Variants in ADGRL3 observed in about 807,000 individuals in gnomAD.
ADGRL3 encodes the protein adhesion G protein-coupled receptor L3.
A neutral mutation model predicts 153.5 loss-of-function variants in ADGRL3; 62 were observed. The observed-to-expected ratio is 0.40, with a 90% confidence interval of 0.33 to 0.50. ADGRL3 has a LOEUF of 0.50. ADGRL3 is among the 20% of genes least tolerant of loss of function. The pLI is 0.47. For synonymous variants in ADGRL3, 710 were observed against 672.5 expected, an observed-to-expected ratio of 1.06 and a Z score of -0.86; for missense variants, 1,641 against 1,859.4, an observed-to-expected ratio of 0.88 and a Z score of 2.16.
intron 2 of ADGRL3, among the ~76,000 whole-genome samples, chr4:61,486,322 G>T (rs1295106960): frequency 2.6e-5 from 4 of 152,034 alleles, no homozygotes; most frequent in Non-Finnish European, 5.9e-5. Flanking sequence ...GGATAAGGAT[G>T]ATACTGATTT....
intron 5 of ADGRL3, among the ~76,000 whole-genome samples, chr4:61,636,681 G>A (rs765256455): frequency 1.3e-4 from 19 of 151,540 alleles, no homozygotes; most frequent in African/African-American, 3.9e-4. Context: ...TCAGAGAATC[G>A]TATGTAAATA....
chr4:61,655,518 T>C (rs1268839637), intron 5 of ADGRL3, among the ~76,000 whole-genome samples: 2 of 152,134 alleles, frequency 1.3e-5, no homozygotes, highest in African/African-American at 4.8e-5. Flanking sequence ...AAAAATACAC[T>C]TTGAAAAAAA....
chr4:61,429,309 T>C (rs2097326675), intron 2 of ADGRL3, among the ~76,000 whole-genome samples: 1 of 152,182 alleles, frequency 6.6e-6, no homozygotes, highest in Non-Finnish European at 1.5e-5. Context: ...TGAGTTGTTT[T>C]CATTGCACCA....
chr4:61,429,782 A>G (rs2152404138), intron 2 of ADGRL3, among the ~76,000 whole-genome samples: 1 of 152,264 alleles, frequency 6.6e-6, no homozygotes, highest in Non-Finnish European at 1.5e-5. Context: ...GGAAATAGTC[A>G]TGTTAATTAG....
chr4:61,863,753 A>T (rs1346846222), intron 9 of ADGRL3, among the ~76,000 whole-genome samples: 1 of 152,226 alleles, frequency 6.6e-6, no homozygotes, highest in African/African-American at 2.4e-5. Flanking sequence ...TATTGGCAAC[A>T]AAAGGCACAA....
chr4:61,440,231 T>C (rs1272420288), intron 2 of ADGRL3, among the ~76,000 whole-genome samples: 1 of 152,062 alleles, frequency 6.6e-6, no homozygotes, highest in Non-Finnish European at 1.5e-5. Context: ...GTATTTTTAG[T>C]AGAGCCAGGG....
intron 1 of ADGRL3, among the ~76,000 whole-genome samples, chr4:61,376,327 CAT>C (rs10546179): frequency 0.6 from 90,793 of 151,432 alleles, 27,626 homozygotes; most frequent in Middle Eastern, 0.78. Context: ...TACCACTTGT[CAT>C]GTGTAATTAT....
chr4:61,459,001 T>A (rs909716085), intron 2 of ADGRL3, among the ~76,000 whole-genome samples: 4 of 151,492 alleles, frequency 2.6e-5, no homozygotes, highest in Non-Finnish European at 5.9e-5. Flanking sequence ...AGAGTAATTA[T>A]TTTCTGAAGA....
chr4:61,297,481 G>T (rs2094447344), intron 1 of ADGRL3, among the ~76,000 whole-genome samples: 2 of 152,070 alleles, frequency 1.3e-5, no homozygotes, highest in South Asian at 4.1e-4. Flanking sequence ...ATTTATTGAT[G>T]ATTATAAAAA....
intron 9 of ADGRL3, among the ~76,000 whole-genome samples, chr4:61,871,106 G>A (rs148134980): frequency 0.024 from 3,454 of 142,930 alleles, 64 homozygotes; most frequent in Non-Finnish European, 0.035. Context: ...GTGAAACCCC[G>A]TCTCTACTAA....
chr4:61,579,574 T>C, intron 4 of ADGRL3: 1 of 510,830 alleles, frequency 2.0e-6, no homozygotes, highest in Non-Finnish European at 3.9e-6. Context: ...CACAACTTTG[T>C]GTATGTGCCC....
intron 9 of ADGRL3, among the ~76,000 whole-genome samples, chr4:61,838,657 A>G (rs2097975303): frequency 6.6e-6 from 1 of 152,204 alleles, no homozygotes; most frequent in Admixed American, 6.5e-5. Context: ...CAACTCTATT[A>G]TATTAAGTTA....
chr4:61,456,525 G>A (rs1007013916), intron 2 of ADGRL3, among the ~76,000 whole-genome samples: 3 of 139,402 alleles, frequency 2.2e-5, no homozygotes, highest in Admixed American at 7.4e-5. Flanking sequence ...CTATATATAC[G>A]TCACACTAAA....
At chr4:61,884,410 A>G (rs982043713) in intron 9 of ADGRL3, among the ~76,000 whole-genome samples, 2 of 152,092 alleles carry the variant, frequency 1.3e-5, no homozygotes, top group Non-Finnish European at 2.9e-5. Flanking sequence ...AATGCCAGAG[A>G]TTATTTCACA....
intron 1 of ADGRL3, among the ~76,000 whole-genome samples, chr4:61,279,963 A>G (rs1402199541): frequency 6.6e-6 from 1 of 152,124 alleles, no homozygotes; most frequent in Non-Finnish European, 1.5e-5. Flanking sequence ...TCTATATCAA[A>G]TGTACAAATA....
intron 1 of ADGRL3, among the ~76,000 whole-genome samples, chr4:61,378,334 C>T (rs973113893): frequency 2.6e-5 from 4 of 151,900 alleles, no homozygotes; most frequent in Non-Finnish European, 4.4e-5. Flanking sequence ...CTCATTTAGC[C>T]GTTCTCAAAG....
intron 2 of ADGRL3, among the ~76,000 whole-genome samples, chr4:61,459,841 A>T (rs1254590688): frequency 6.6e-6 from 1 of 152,074 alleles, no homozygotes; most frequent in African/African-American, 2.4e-5. Flanking sequence ...CAACTGTGCA[A>T]AACTTCTGGA....
chr4:62,023,696 A>C (rs953338450), intron 21 of ADGRL3, among the ~76,000 whole-genome samples: 1 of 152,180 alleles, frequency 6.6e-6, no homozygotes, highest in Non-Finnish European at 1.5e-5. Flanking sequence ...CTGAAGCCTC[A>C]GAATATGGTA....
At chr4:61,642,211 C>A (rs1470279867) in intron 5 of ADGRL3, among the ~76,000 whole-genome samples, 2 of 151,136 alleles carry the variant, frequency 1.3e-5, no homozygotes, top group South Asian at 2.1e-4. Context: ...GAGTAGGTTG[C>A]GAAAATTTTC....
Sources: allele counts gnomAD v4.1 joint callset (sites outside exome capture counted in the v4.1 genomes callset), GRCh38; gene constraint gnomAD v4.1.1; transcripts MANE v1.5; gene names NCBI Gene and HGNC (gene_info 2026-07-23, HGNC 2026-07-21).